The following UTP4 variants were observed in gnomAD, a reference collection of about 807,000 sequenced individuals.
UTP4 encodes the protein UTP4 small subunit processome component, also known as U3 small nucleolar RNA-associated protein 4 homolog.
Under a neutral mutation model 82.4 loss-of-function variants are expected in UTP4, and 45 were observed. The observed-to-expected ratio is 0.55, with a 90% CI of 0.43 to 0.70. The LOEUF (loss-of-function observed/expected upper bound fraction) is 0.70, where lower values mean the gene tolerates loss of function less well. UTP4 is among the 30% of genes least tolerant of loss of function. The probability of loss-of-function intolerance (pLI) is 0.00; values close to 1 mark genes in which losing one functional copy is unlikely to be tolerated. For missense variants in UTP4, 819 were observed against 858.3 expected (o/e 0.95, Z 0.57); for synonymous variants, 348 against 300.3 (o/e 1.16, Z -1.64).
chr16:69,145,820 A>C (rs1000047059), intron 6 of UTP4, among the ~76,000 whole-genome samples: 1 of 152,170 alleles, frequency 6.6e-6, no homozygotes, highest in African/African-American at 2.4e-5. Context: ...CCCAGAGCAC[A>C]GGCTTTGGAG....
chr16:69,158,576 AT>A (rs1963483596), intron 12 of UTP4, among the ~76,000 whole-genome samples: 1 of 152,114 alleles, frequency 6.6e-6, no homozygotes, highest in South Asian at 2.1e-4. Context: ...TATTATCTAT[AT>A]ATGTTTTTAT....
intron 8 of UTP4, among the ~76,000 whole-genome samples, chr16:69,152,685 C>A (rs1963307286): frequency 2.0e-5 from 3 of 152,164 alleles, no homozygotes; most frequent in South Asian, 2.1e-4. Flanking sequence ...GTTGGCCAGG[C>A]TGGTCTTGAA....
chr16:69,165,354 G>A lies in UTP4; in HGVS notation c.1661G>A (p.Ser554Asn). 1 of 1,614,068 alleles carries A rather than the reference G, an allele frequency of 6.2e-7. No individual in the cohort carries two copies. Among genetic ancestry groups the A allele is most frequent in the Non-Finnish European group, 8.5e-7 (1 of 1,180,006 alleles). ...GTCCTCCCTCAGGTATTTGAGTACA[G>A]CATCCCAGACAAACAGTATACAGAT... is the stretch of plus-strand genomic sequence containing the variant. Reference protein sequence around the residue: ...AHSDQQVFEYSIPDKQYTDWS... With the variant: ...AHSDQQVFEYNIPDKQYTDWS... Residue 554 changes from serine to asparagine, a missense_variant, in exon 15 of 17, where the codon AGC becomes AAC. Ser to Asn is a conservative substitution (Grantham distance 46). Transcript: ENST00000314423.
intron 6 of UTP4, 44 bp downstream of exon 6, chr16:69,143,433 G>T: frequency 6.4e-7 from 1 of 1,563,652 alleles, no homozygotes; most frequent in Non-Finnish European, 8.8e-7. Flanking sequence ...ACACCCTTGT[G>T]GGGTGAGTTG....
At chr16:69,160,231 C>G in intron 12 of UTP4, 125 bp from the exon 13 acceptor site, 1 of 800,152 alleles carries the variant, frequency 1.2e-6, no homozygotes, top group Non-Finnish European at 2.3e-6. Context: ...GCACAGTGAT[C>G]AGCAAATTAT....
At chr16:69,152,020 A>AGATAGATAGATCAAC (rs1963285582) in intron 8 of UTP4, among the ~76,000 whole-genome samples, 3 of 151,134 alleles carry the variant, frequency 2.0e-5, no homozygotes, top group African/African-American at 7.3e-5. Context: ...ATAGATAGAT[A>AGATAGATAGATCAAC]GATAGATAGA....
At chr16:69,144,217 T>C (rs960459778) in intron 6 of UTP4, among the ~76,000 whole-genome samples, 1 of 150,788 alleles carries the variant, frequency 6.6e-6, no homozygotes. Flanking sequence ...TTTTTATTTT[T>C]TTGAGACGGA....
chr16:69,166,861 C>T, intron 15 of UTP4: 1 of 567,746 alleles, frequency 1.8e-6, no homozygotes, highest in Non-Finnish European at 3.1e-6. Flanking sequence ...GCTCTTTCTC[C>T]CTCTCTCTCC....
chr16:69,143,132 CAG>C, intron 5 of UTP4, 44 bp from the exon 6 acceptor site: 1 of 1,594,334 alleles, frequency 6.3e-7, no homozygotes, highest in Non-Finnish European at 8.6e-7. Flanking sequence ...ATTTTGAAGA[CAG>C]AGAAATAAGT....
At chr16:69,167,482 T>G in intron 16 of UTP4, 1 of 376,764 alleles carries the variant, frequency 2.7e-6, no homozygotes, top group Non-Finnish European at 5.0e-6. Context: ...TAAATTTTAC[T>G]TGTTGGAGTG....
intron 6 of UTP4, among the ~76,000 whole-genome samples, chr16:69,146,465 C>T (rs767060139): frequency 4.6e-5 from 7 of 152,240 alleles, no homozygotes; most frequent in Non-Finnish European, 8.8e-5. Flanking sequence ...ATCAGTATTT[C>T]ATTCCTTACT....
chr16:69,138,784 GC>G (rs1178341726), intron 4 of UTP4, among the ~76,000 whole-genome samples: 1 of 152,104 alleles, frequency 6.6e-6, no homozygotes, highest in Non-Finnish European at 1.5e-5. Context: ...TAATGGGCAG[GC>G]TGTGCTCCAG....
Position 69,134,642 on chromosome 16 carries a change from T to C in UTP4, c.159+1024T>C, listed in dbSNP as rs1962760856. 2.6e-5 allele frequency among the ~76,000 whole-genome samples: 4 copies of C among 151,360 alleles called. No homozygotes were observed. The South Asian group carries it at 8.3e-4, about 32-fold the overall frequency. ...CACAAATGGGTTACATTCTGTGGTA[T>C]GAAGAACATGCGCTGGCGTGTGCTT... is the stretch of plus-strand genomic sequence containing the variant. On this transcript the variant is annotated intron_variant, in intron 2 of 16. Coordinates refer to ENST00000314423, the MANE Select transcript of UTP4 (RefSeq NM_032830.3).
chr16:69,166,349 G>A (rs545981251), intron 15 of UTP4: 3 of 153,096 alleles, frequency 2.0e-5, no homozygotes, highest in Admixed American at 1.3e-4. Context: ...TGGGCCCTGC[G>A]ACCTCTGGGT....
intron 6 of UTP4, among the ~76,000 whole-genome samples, chr16:69,144,640 C>G (rs1597138286): frequency 6.6e-6 from 1 of 152,340 alleles, no homozygotes; most frequent in East Asian, 1.9e-4. Context: ...GAATGATGTG[C>G]TATCCCACAT....
rs758656831 is a variant in UTP4 at position 69,157,090 on chromosome 16, A to C, written c.1294A>C (p.Lys432Gln). Reference protein sequence around the residue: ...HDNISLKRVSKMPAFLRSALQ... With the variant: ...HDNISLKRVSQMPAFLRSALQ... ...ATTATTGGTTCACCCAAAGGTTTCC[A>C]AAATGCCAGCATTCCTTCGCTCTGC... The change falls in exon 12 of 17, where the codon AAA becomes CAA. Residue 432 changes from lysine to glutamine, a missense_variant. Coordinates refer to ENST00000314423, the MANE Select transcript of UTP4 (RefSeq NM_032830.3). The C allele has an allele frequency of 6.2e-7, 1 of 1,614,234 alleles. No homozygotes were observed. The highest frequency in any genetic ancestry group is 2.2e-5 in the East Asian group (1 of 44,892).
intron 6 of UTP4, among the ~76,000 whole-genome samples, chr16:69,144,365 A>G (rs1352395087): frequency 6.6e-6 from 1 of 150,616 alleles, no homozygotes; most frequent in East Asian, 2.0e-4. Flanking sequence ...TGCCCAGCTA[A>G]TTTTTATATG....
chr16:69,160,598 CTTTTTTTTTT>C, intron 13 of UTP4, 136 bp downstream of exon 13: 2 of 576,226 alleles, frequency 3.5e-6, no homozygotes, highest in Non-Finnish European at 6.0e-6. Context: ...CTTTTCTTTT[CTTTTTTTTTT>C]TTTTTTGAGA....
chr16:69,133,572 G>A lies in UTP4; in HGVS notation c.113G>A (p.Gly38Asp), dbSNP rs758762300. 28 of 1,614,006 alleles carry A rather than the reference G, an allele frequency of 1.7e-5. No homozygotes were observed. Among genetic ancestry groups the A allele is most frequent in the Non-Finnish European group, 2.0e-5 (24 of 1,180,004 alleles). Residue 38 changes from glycine (G) to aspartate (D), a missense_variant, in exon 2 of 17, where the codon GGC becomes GAC. Physicochemically the swap from Gly to Asp is moderately conservative, Grantham distance 94 (BLOSUM62 -1). Coordinates refer to ENST00000314423, the MANE Select transcript of UTP4 (RefSeq NM_032830.3). Reference sequence around the variant, plus strand: ...AGATTGGCTGTTTCACGAACAGATGGCACTGTGGAAATTTATAACTTGTCA... The same window carrying A: ...AGATTGGCTGTTTCACGAACAGATGACACTGTGGAAATTTATAACTTGTCA... The part of the protein sequence containing the change: ...SNRLAVSRTD[G>D]TVEIYNLSAN...
Sources: gnomAD v4.1 joint callset for allele counts (sites outside exome capture counted in the v4.1 genomes callset) on GRCh38, gnomAD v4.1.1 for gene constraint, MANE v1.5 for transcripts, NCBI Gene and HGNC (gene_info 2026-07-23, HGNC 2026-07-21) for gene names.